The following PCDH9 variants were observed in gnomAD, a reference collection of about 807,000 sequenced individuals.
PCDH9 encodes protocadherin-9.
PCDH9 carries 24 observed loss-of-function variants against 70.6 expected under a neutral mutation model. That is an observed-to-expected ratio of 0.34 (90% CI 0.25 to 0.48). The LOEUF (loss-of-function observed/expected upper bound fraction) is 0.48, where lower values mean the gene tolerates loss of function less well. Among genes scored for constraint, PCDH9 ranks in the 20% least tolerant of loss-of-function variants. The pLI, the probability that PCDH9 is intolerant of heterozygous loss-of-function variation, is 0.99. For missense variants in PCDH9, 1,281 were observed against 1,503.6 expected, an observed-to-expected ratio of 0.85 and a Z score of 2.45; for synonymous variants, 562 against 558.5, an observed-to-expected ratio of 1.01 and a Z score of -0.09.
intron 2 of PCDH9, among the ~76,000 whole-genome samples, chr13:66,998,908 A>G (rs927420403): frequency 1.3e-5 from 2 of 152,252 alleles, no homozygotes; most frequent in African/African-American, 2.4e-5. Context: ...TTAAGGCTCA[A>G]TTAAAAAAAT....
intron 2 of PCDH9, among the ~76,000 whole-genome samples, chr13:66,915,239 A>G (rs925747783): frequency 6.6e-6 from 1 of 151,692 alleles, no homozygotes; most frequent in African/African-American, 2.4e-5. Flanking sequence ...ACATTCTAAT[A>G]ATTTTAGGAA....
At chr13:66,349,367 T>A (rs1956259696) in intron 4 of PCDH9, among the ~76,000 whole-genome samples, 1 of 152,204 alleles carries the variant, frequency 6.6e-6, no homozygotes, top group East Asian at 1.9e-4. Flanking sequence ...TGATGACAAG[T>A]TACTGCTGTA....
intron 2 of PCDH9, among the ~76,000 whole-genome samples, chr13:67,006,613 G>C (rs1487610989): frequency 6.6e-6 from 1 of 152,166 alleles, no homozygotes; most frequent in African/African-American, 2.4e-5. Flanking sequence ...GATTGGCGAA[G>C]GGATATATTA....
intron 3 of PCDH9, among the ~76,000 whole-genome samples, chr13:66,764,265 C>A (rs1318805293): frequency 4.6e-4 from 67 of 146,928 alleles, no homozygotes; most frequent in African/African-American, 7.0e-4. Context: ...AAAAAAAAAA[C>A]CGAAAACTTT....
intron 4 of PCDH9, among the ~76,000 whole-genome samples, chr13:66,401,959 T>C (rs1957196125): frequency 6.6e-6 from 1 of 152,190 alleles, no homozygotes; most frequent in Non-Finnish European, 1.5e-5. Flanking sequence ...AATTATTCAA[T>C]TTGTCTTTGT....
rs80329844 is a variant in PCDH9 at position 67,089,546 on chromosome 13, T to C, written c.3036+135859A>G. On this transcript the variant is annotated intron_variant, in intron 2 of 4. Coordinates refer to ENST00000377865, the MANE Select transcript of PCDH9 (RefSeq NM_203487.3). Reference sequence around the variant, plus strand: ...ACAAGAAAGATAAACATATTTGGACTCTGCCGTCAAGCAACATAGAGTTTT... The same window carrying C: ...ACAAGAAAGATAAACATATTTGGACCCTGCCGTCAAGCAACATAGAGTTTT... Among the ~76,000 whole-genome samples, 9 of 152,176 alleles carry C rather than the reference T, an allele frequency of 5.9e-5. No individual in the cohort carries two copies. The East Asian group carries it at 1.5e-3, about 26-fold the overall frequency.
chr13:66,772,088 G>C (rs562130028), intron 3 of PCDH9, among the ~76,000 whole-genome samples: 1 of 152,246 alleles, frequency 6.6e-6, no homozygotes, highest in South Asian at 2.1e-4. Context: ...CCAACATTCT[G>C]GCATAAGGAA....
At chr13:66,804,801 TG>T (rs1182503920) in intron 3 of PCDH9, among the ~76,000 whole-genome samples, 1 of 152,148 alleles carries the variant, frequency 6.6e-6, no homozygotes, top group Non-Finnish European at 1.5e-5. Context: ...AGACAGTTTG[TG>T]GGGTTTTTTT....
chr13:66,397,136 TG>T (rs1339585163), intron 4 of PCDH9, among the ~76,000 whole-genome samples: 1 of 152,116 alleles, frequency 6.6e-6, no homozygotes, highest in African/African-American at 2.4e-5. Context: ...ATATTATTTT[TG>T]TCTGGGCACA....
chr13:66,852,127 G>T (rs2081324306), intron 3 of PCDH9, among the ~76,000 whole-genome samples: 1 of 152,004 alleles, frequency 6.6e-6, no homozygotes, highest in Admixed American at 6.6e-5. Context: ...CACACTGGGG[G>T]TCAAGACTTC....
In PCDH9 at chr13:67,004,161, A is replaced by G. The variant is rs1337835054; in HGVS notation, c.3037-100556T>C. Among the ~76,000 whole-genome samples, 3 of 152,076 alleles carry G rather than the reference A, an allele frequency of 2.0e-5. No individual in the cohort carries two copies. In the East Asian group the frequency reaches 5.8e-4, roughly 29 times the overall value. Reference sequence around the variant, plus strand: ...TTAACTTTTTTTTTTTGTTATATACATTTGCTTAGTGCAAACATATGGTTA... The same window carrying G: ...TTAACTTTTTTTTTTTGTTATATACGTTTGCTTAGTGCAAACATATGGTTA... On this transcript the variant is annotated intron_variant, in intron 2 of 4. Transcript: ENST00000377865.
At chr13:67,205,513 A>T (rs1383175884) in intron 2 of PCDH9, 5 of 152,328 alleles carry the variant, frequency 3.3e-5, no homozygotes, top group African/African-American at 1.2e-4. Context: ...TTTGTAATTG[A>T]AAGTCAGTCT....
intron 3 of PCDH9, among the ~76,000 whole-genome samples, chr13:66,819,490 T>C (rs921331054): frequency 6.6e-6 from 1 of 152,140 alleles, no homozygotes; most frequent in South Asian, 2.1e-4. Flanking sequence ...AAATATGATA[T>C]CTTTATTATT....
At chr13:66,483,201 T>C (rs1442159300) in intron 4 of PCDH9, among the ~76,000 whole-genome samples, 1 of 152,242 alleles carries the variant, frequency 6.6e-6, no homozygotes, top group Non-Finnish European at 1.5e-5. Context: ...TGAAAGTGTT[T>C]ATTAGTTTCT....
At chr13:66,837,458 G>C (rs2081040985) in intron 3 of PCDH9, among the ~76,000 whole-genome samples, 1 of 152,122 alleles carries the variant, frequency 6.6e-6, no homozygotes, top group African/African-American at 2.4e-5. Context: ...TGGCTCCAAA[G>C]ACCCTGCCCA....
chr13:66,756,223 G>A (rs1248899950), intron 3 of PCDH9, among the ~76,000 whole-genome samples: 1 of 152,114 alleles, frequency 6.6e-6, no homozygotes, highest in African/African-American at 2.4e-5. Context: ...TTAAAATCAT[G>A]AGGAATATAA....
chr13:66,950,225 G>C (rs934154560), intron 2 of PCDH9, among the ~76,000 whole-genome samples: 4 of 152,096 alleles, frequency 2.6e-5, no homozygotes, highest in Non-Finnish European at 5.9e-5. Context: ...TCAGAAGTTA[G>C]TGCTTCTGCT....
intron 4 of PCDH9, among the ~76,000 whole-genome samples, chr13:66,461,215 G>C (rs9540764): frequency 0.19 from 28,714 of 151,598 alleles, 2,908 homozygotes; most frequent in Non-Finnish European, 0.21. Context: ...GTTATTCATT[G>C]ATGTGGAATT....
chr13:66,722,426 A>G (rs561532408), intron 3 of PCDH9, among the ~76,000 whole-genome samples: 168 of 152,278 alleles, frequency 1.1e-3, no homozygotes, highest in African/African-American at 3.8e-3. Context: ...TTCAGGCTAA[A>G]CAATTATAAA....
Sources: gnomAD v4.1 joint callset for allele counts (sites outside exome capture counted in the v4.1 genomes callset) on GRCh38, gnomAD v4.1.1 for gene constraint, MANE v1.5 for transcripts, NCBI Gene and HGNC (gene_info 2026-07-23, HGNC 2026-07-21) for gene names.